The following MARVELD2 variants were observed in gnomAD, a reference collection of about 807,000 sequenced individuals.
The protein encoded by MARVELD2 is MARVEL domain containing 2.
In MARVELD2, 49 loss-of-function variants were observed where a neutral mutation model predicts 57.6. The observed-to-expected ratio is 0.85, with a 90% CI of 0.68 to 1.08. MARVELD2 has a LOEUF of 1.08. Ranked by LOEUF, MARVELD2 falls within the 50% of genes least tolerant of loss-of-function variation. The probability of loss-of-function intolerance (pLI) is 0.00; values close to 1 mark genes in which losing one functional copy is unlikely to be tolerated. For missense variants in MARVELD2, 606 were observed against 701.1 expected (o/e 0.86, Z 1.53); for synonymous variants, 238 against 258.8 (o/e 0.92, Z 0.77).
At position 69,416,408 on chromosome 5, in the gene MARVELD2, C is replaced by T. The variant is rs527463074; in HGVS notation, c.-16+1238C>T. ...GCCCTATTAGAAGACCCTGGGTTTC[C>T]ACCGCATTCCCTTGTCTCCAGTCTG... On this transcript the variant is annotated intron_variant, in intron 1 of 6. Coordinates refer to ENST00000325631, the MANE Select transcript of MARVELD2 (RefSeq NM_001038603.3). 5.3e-5 allele frequency among the ~76,000 whole-genome samples: 8 copies of T among 152,298 alleles called. No homozygotes were observed. In the South Asian group the frequency reaches 1.7e-3, roughly 32 times the overall value.
chr5:69,438,066 A>G (rs556172761), intron 5 of MARVELD2, among the ~76,000 whole-genome samples: 42 of 152,310 alleles, frequency 2.8e-4, no homozygotes, highest in African/African-American at 9.9e-4. Flanking sequence ...CCACAGGCTC[A>G]TTCGTTTTCC....
At chr5:69,430,104 A>G (rs1766913513) in intron 3 of MARVELD2, among the ~76,000 whole-genome samples, 1 of 152,044 alleles carries the variant, frequency 6.6e-6, no homozygotes, top group Non-Finnish European at 1.5e-5. Context: ...ACTGTGGCTC[A>G]TGCCTGTAAT....
chr5:69,438,456 G>A (rs979517816), intron 5 of MARVELD2, among the ~76,000 whole-genome samples: 2 of 152,170 alleles, frequency 1.3e-5, no homozygotes, highest in African/African-American at 4.8e-5. Context: ...AGAGATTGAA[G>A]AATTAAAATA....
At position 69,432,584 on chromosome 5, in the gene MARVELD2, C is replaced by T; in HGVS notation, c.1240C>T (p.Leu414=). 6.2e-7 allele frequency: 1 copy of T among 1,614,176 alleles called. No individual in the cohort carries two copies. Among genetic ancestry groups the T allele is most frequent in the East Asian group, 2.2e-5 (1 of 44,880 alleles). The change falls in exon 4 of 7, where the codon CTG becomes TTG. Residue 414 remains leucine, a synonymous_variant. Transcript: ENST00000325631. ...AGACTCAGAAGTTAATTTCAAGGAA[C>T]TGAGAACAGCAAAAATGAAACCTGA... The part of the protein sequence containing the change: ...QRDSEVNFKE[L]RTAKMKPELL...
chr5:69,437,607 C>T (rs1288567886), intron 5 of MARVELD2, among the ~76,000 whole-genome samples: 7 of 151,632 alleles, frequency 4.6e-5, no homozygotes, highest in Non-Finnish European at 1.0e-4. Context: ...TGGCTTGAAC[C>T]TGGGAGGCGG....
At chr5:69,426,732 T>C (rs1766805982) in intron 3 of MARVELD2, among the ~76,000 whole-genome samples, 1 of 152,164 alleles carries the variant, frequency 6.6e-6, no homozygotes, top group African/African-American at 2.4e-5. Context: ...AAAGGGTCTG[T>C]CACCCAGGCT....
At chr5:69,429,469 C>T (rs1028831939) in intron 3 of MARVELD2, among the ~76,000 whole-genome samples, 6 of 152,044 alleles carry the variant, frequency 3.9e-5, no homozygotes, top group African/African-American at 4.8e-5. Context: ...AAGCATTTCT[C>T]GAAGGCTTAA....
At chr5:69,430,777 A>AC (rs774640827) in intron 3 of MARVELD2, among the ~76,000 whole-genome samples, 2 of 141,892 alleles carry the variant, frequency 1.4e-5, no homozygotes, top group African/African-American at 5.3e-5. Context: ...TAAATGATCC[A>AC]CCCCCCTCGG....
chr5:69,433,871 A>C (rs533376378), intron 5 of MARVELD2, among the ~76,000 whole-genome samples: 85 of 151,656 alleles, frequency 5.6e-4, no homozygotes, highest in African/African-American at 2.0e-3. Flanking sequence ...AAATTATGTA[A>C]CTTAATATCT....
At chr5:69,438,615 G>A (rs983211668) in intron 5 of MARVELD2, among the ~76,000 whole-genome samples, 59 of 152,094 alleles carry the variant, frequency 3.9e-4, no homozygotes, top group African/African-American at 1.3e-3. Flanking sequence ...GGCCGGTCAT[G>A]GTGGCTCACA....
intron 1 of MARVELD2, 172 bp downstream of exon 1, chr5:69,415,342 C>T (rs971415512): frequency 1.3e-5 from 2 of 152,134 alleles, no homozygotes; most frequent in Non-Finnish European, 2.9e-5. Context: ...AGGTTTCGCT[C>T]TGCGGACGCA....
At chr5:69,440,268 G>A (rs934473365) in intron 5 of MARVELD2, among the ~76,000 whole-genome samples, 182 bp from the exon 6 acceptor site, 8 of 152,070 alleles carry the variant, frequency 5.3e-5, no homozygotes, top group Admixed American at 2.0e-4. Context: ...CTCTTTTATC[G>A]CCTGGGCCTA....
At chr5:69,439,446 G>T (rs1767261387) in intron 5 of MARVELD2, among the ~76,000 whole-genome samples, 1 of 151,744 alleles carries the variant, frequency 6.6e-6, no homozygotes, top group African/African-American at 2.4e-5. Context: ...CAGGTGTAGG[G>T]CAAGCTTTTA....
Position 69,432,656 on chromosome 5 carries a change from G to A in MARVELD2, c.1312G>A (p.Val438Met), listed in dbSNP as rs149971714. Residue 438 changes from valine to methionine, a missense_variant, in exon 4 of 7, where the codon GTG becomes ATG. By Grantham distance (21) the Val-to-Met change is conservative (BLOSUM62 1). Coordinates refer to ENST00000325631, the MANE Select transcript of MARVELD2 (RefSeq NM_001038603.3). Reference sequence around the variant, plus strand: ...CCCAGGCCACATTCCTAAACCTATCGTGATGCCCGACTATGTGGCGTGAGT... The same window carrying A: ...CCCAGGCCACATTCCTAAACCTATCATGATGCCCGACTATGTGGCGTGAGT... ...IPPGHIPKPI[V>M]MPDYVAKYPV... 9.9e-6 allele frequency: 16 copies of A among 1,613,920 alleles called. No individual in the cohort carries two copies. Among genetic ancestry groups the A allele is most frequent in the African/African-American group, 1.3e-5 (1 of 74,882 alleles).
chr5:69,432,770 G>C, intron 4 of MARVELD2, 95 bp downstream of exon 4: 3 of 1,581,748 alleles, frequency 1.9e-6, no homozygotes, highest in Non-Finnish European at 2.6e-6. Flanking sequence ...AATACTCTGT[G>C]CTTAAAATCG....
intron 1 of MARVELD2, among the ~76,000 whole-genome samples, chr5:69,418,255 T>G (rs1195904446): frequency 6.6e-6 from 1 of 152,228 alleles, no homozygotes; most frequent in Non-Finnish European, 1.5e-5. Context: ...AAAAATTTTT[T>G]TAAGTCTTCA....
chr5:69,432,539 A>G lies in MARVELD2; in HGVS notation c.1195A>G (p.Thr399Ala), dbSNP rs1306679687. 7 of 1,614,220 alleles carry G rather than the reference A, an allele frequency of 4.3e-6. No homozygotes were observed. The highest frequency in any genetic ancestry group is 5.9e-6 in the Non-Finnish European group (7 of 1,180,044). The change falls in exon 4 of 7, where the codon ACC becomes GCC. Residue 399 changes from threonine to alanine, a missense_variant. Transcript: ENST00000325631. Reference protein sequence around the residue: ...SSKRKMCEMATSGDRQRDSEV... With the variant: ...SSKRKMCEMAASGDRQRDSEV... Reference sequence around the variant, plus strand: ...TCCCTAACTGCAGTGTGAAATGGCCACCAGTGGTGACAGACAAAGAGACTC... The same window carrying G: ...TCCCTAACTGCAGTGTGAAATGGCCGCCAGTGGTGACAGACAAAGAGACTC...
At position 69,419,903 on chromosome 5, in the gene MARVELD2, G is replaced by C; in HGVS notation, c.518G>C (p.Ser173Thr). 6.2e-7 allele frequency: 1 copy of C among 1,614,202 alleles called. No homozygotes were observed. The highest frequency in any genetic ancestry group is 8.5e-7 in the Non-Finnish European group (1 of 1,180,040). ...CACACACAAACAGTTCGAACATACAGTGAGAAGGTGGAGGAGTATAACCTG... is the reference window on the plus strand; with the variant it reads ...CACACACAAACAGTTCGAACATACACTGAGAAGGTGGAGGAGTATAACCTG... ...DRHTQTVRTY[S>T]EKVEEYNLRY... Residue 173 changes from serine to threonine, a missense_variant, in exon 2 of 7, where the codon AGT becomes ACT. Ser to Thr is a moderately conservative substitution (Grantham distance 58). Transcript: ENST00000325631.
At position 69,419,832 on chromosome 5, in the gene MARVELD2, G is replaced by A. The variant is rs1488638521; in HGVS notation, c.447G>A (p.Glu149=). 6.2e-7 allele frequency: 1 copy of A among 1,614,144 alleles called. No homozygotes were observed. The highest frequency in any genetic ancestry group is 1.7e-5 in the Admixed American group (1 of 60,018). The change falls in exon 2 of 7, where the codon GAG becomes GAA. Residue 149 remains glutamate (E), a synonymous_variant. Transcript: ENST00000325631. ...GSEGTFSSRK[E]ADAVFPRDPY... ...AAGGAACCTTTAGTTCCCGGAAAGA[G>A]GCTGACGCAGTGTTTCCCCGGGATC...
Sources: allele counts gnomAD v4.1 joint callset (sites outside exome capture counted in the v4.1 genomes callset), GRCh38; gene constraint gnomAD v4.1.1; transcripts MANE v1.5; gene names NCBI Gene and HGNC (gene_info 2026-07-23, HGNC 2026-07-21).